Variants in RMDN3 observed in about 807,000 individuals in gnomAD.
RMDN3 encodes regulator of microtubule dynamics protein 3.
A neutral mutation model predicts 61.8 loss-of-function variants in RMDN3; 41 were observed. The ratio of observed to expected loss-of-function variants is 0.66; its 90% CI spans 0.52 to 0.86. The LOEUF (loss-of-function observed/expected upper bound fraction) is 0.86, where lower values mean the gene tolerates loss of function less well. Among genes scored for constraint, RMDN3 ranks in the 40% least tolerant of loss-of-function variants. The probability of loss-of-function intolerance (pLI) is 0.00; values close to 1 mark genes in which losing one functional copy is unlikely to be tolerated. For missense variants in RMDN3, 557 were observed against 585.3 expected, an observed-to-expected ratio of 0.95 and a Z score of 0.50; for synonymous variants, 247 against 232.0, an observed-to-expected ratio of 1.06 and a Z score of -0.59.
chr15:40,740,828 G>A (rs948247742), intron 6 of RMDN3, among the ~76,000 whole-genome samples: 1 of 152,216 alleles, frequency 6.6e-6, no homozygotes, highest in African/African-American at 2.4e-5. Flanking sequence ...GCTTATGCCT[G>A]TAATCCTAGC....
In RMDN3 at chr15:40,738,129, G is replaced by A. The variant is rs1897136572; in HGVS notation, c.1048-87C>T. The A allele has an allele frequency of 1.8e-5, 24 of 1,359,338 alleles. No homozygotes were observed. The South Asian group carries it at 1.9e-4, about 11-fold the overall frequency. 84.2% of individuals were successfully genotyped at this position (1,359,338 alleles called of 1,614,324 possible). A position where few individuals can be genotyped will look rare whatever the true frequency, so the allele number is the denominator to read the frequency against. On this transcript the variant is annotated intron_variant, in intron 8 of 12. Transcript: ENST00000338376. ...GGGCCGGATGCAGTGGCTCATGCCT[G>A]TAATCCCTGCACTTTGGGAAGCTGA... is the stretch of plus-strand genomic sequence containing the variant.
intron 5 of RMDN3, 90 bp from the exon 6 acceptor site, chr15:40,744,239 T>A (rs908424974): frequency 8.2e-7 from 1 of 1,219,002 alleles, no homozygotes; most frequent in Non-Finnish European, 1.2e-6. Flanking sequence ...TAGGTTTGAA[T>A]TTCCAAGCTA....
chr15:40,753,556 A>C (rs964415911), intron 2 of RMDN3, among the ~76,000 whole-genome samples: 7 of 152,150 alleles, frequency 4.6e-5, no homozygotes, highest in African/African-American at 1.7e-4. Flanking sequence ...AAGAAAAAAA[A>C]CACTCCTCTT....
chr15:40,738,780 G>A (rs528256430), intron 7 of RMDN3: 5 of 592,966 alleles, frequency 8.4e-6, no homozygotes, highest in Non-Finnish European at 1.5e-5. Flanking sequence ...ATAATGGTAG[G>A]CTTACAAGTC....
In RMDN3 at chr15:40,737,679, A is replaced by C; in HGVS notation, c.1173T>G (p.Leu391=). The C allele has an allele frequency of 6.2e-7, 1 of 1,614,162 alleles. No individual in the cohort carries two copies. The highest frequency in any genetic ancestry group is 8.5e-7 in the Non-Finnish European group (1 of 1,180,026). The change falls in exon 10 of 13, where the codon CTT becomes CTG. Residue 391 remains leucine, a synonymous_variant. Coordinates refer to ENST00000338376, the MANE Select transcript of RMDN3 (RefSeq NM_018145.3). ...WLEKKTATAL[L]ESPLSATVED... ...CCACAGTGGCACTGAGAGGGCTTTC[A>C]AGCAAGGCTGTAGCAGTTTTTTTTT... is the stretch of plus-strand genomic sequence containing the variant.
At position 40,738,068 on chromosome 15, in the gene RMDN3, T is replaced by TAACA. The variant is rs765296676; in HGVS notation, c.1048-30_1048-27dup. On this transcript the variant is annotated intron_variant, in intron 8 of 12. Transcript: ENST00000338376. ...CTAAGGGGAAAATGTAAATATAAAC[T>TAACA]AACATCAGACACCAGAGTTGCTAAA... 5 of 1,610,500 alleles carry TAACA rather than the reference T, an allele frequency of 3.1e-6. No homozygotes were observed. In the South Asian group the frequency reaches 4.4e-5, roughly 14 times the overall value.
intron 6 of RMDN3, among the ~76,000 whole-genome samples, chr15:40,741,913 C>G (rs1897300992): frequency 1.3e-5 from 2 of 151,950 alleles, no homozygotes; most frequent in African/African-American, 2.4e-5. Flanking sequence ...AGGTGCGAAC[C>G]ACCGTGCCCA....
In RMDN3 at chr15:40,754,701, C is replaced by A; in HGVS notation, c.83G>T (p.Cys28Phe). The change falls in exon 2 of 13, where the codon TGC (cysteine) becomes TTC (phenylalanine). Residue 28 changes from cysteine (C) to phenylalanine (F), a missense_variant. By Grantham distance (205) the Cys-to-Phe change is radical (BLOSUM62 -2). Coordinates refer to ENST00000338376, the MANE Select transcript of RMDN3 (RefSeq NM_018145.3). ...TTTCCATCGCTGGCTGTAAAGGAGG[C>A]ACAGGAATCCAAGGCCGGCGGCGGT... ...LGTAAGLGFL[C>F]LLYSQRWKRT... 6.2e-7 allele frequency: 1 copy of A among 1,614,036 alleles called. No individual in the cohort carries two copies. Among genetic ancestry groups the A allele is most frequent in the Non-Finnish European group, 8.5e-7 (1 of 1,179,980 alleles).
At chr15:40,738,332 A>G (rs1452292946) in intron 8 of RMDN3, among the ~76,000 whole-genome samples, 169 bp downstream of exon 8, 2 of 152,144 alleles carry the variant, frequency 1.3e-5, no homozygotes, top group East Asian at 3.9e-4. Flanking sequence ...CAGTGAGCCA[A>G]GATCACACCA....
Position 40,744,988 on chromosome 15 carries a change from T to C in RMDN3, c.796A>G (p.Asn266Asp), listed in dbSNP as rs1247675788. 1 of 1,602,818 alleles carries C rather than the reference T, an allele frequency of 6.2e-7. No individual in the cohort carries two copies. Among genetic ancestry groups the C allele is most frequent in the Non-Finnish European group, 8.5e-7 (1 of 1,172,712 alleles). The change falls in exon 5 of 13, where the codon AAC (asparagine) becomes GAC (aspartate). Residue 266 changes from asparagine to aspartate, a missense_variant. Transcript: ENST00000338376. ...KREGFQLLLN[N>D]KLVYGSRQDF... ...AGCTGGAGCCTCACCACCAGCTTGT[T>C]GTTGAGCAGCAGCTGGAAGCCCTCC...
chr15:40,745,832 A>T (rs1897518185), intron 4 of RMDN3, among the ~76,000 whole-genome samples: 1 of 152,160 alleles, frequency 6.6e-6, no homozygotes, highest in Admixed American at 6.5e-5. Flanking sequence ...CACAACCAAC[A>T]TGGGTGGGTG....
intron 1 of RMDN3, 97 bp downstream of exon 1, chr15:40,754,986 A>G (rs1897985636): frequency 1.1e-5 from 6 of 552,534 alleles, no homozygotes; most frequent in Non-Finnish European, 1.9e-5. Context: ...CCTGGGCCCC[A>G]CTGCCTCTCT....
chr15:40,743,294 G>A (rs988122006), intron 6 of RMDN3, among the ~76,000 whole-genome samples: 2 of 152,080 alleles, frequency 1.3e-5, no homozygotes, highest in Admixed American at 1.3e-4. Context: ...GATGGCATGT[G>A]CTTGTAATCC....
intron 5 of RMDN3, 197 bp from the exon 6 acceptor site, chr15:40,744,346 T>G (rs1009212441): frequency 5.3e-6 from 3 of 564,982 alleles, no homozygotes; most frequent in Non-Finnish European, 9.6e-6. Flanking sequence ...ACATTCTCTG[T>G]CTAGCCAGTA....
Position 40,745,239 on chromosome 15 carries a change from T to C in RMDN3, c.545A>G (p.Glu182Gly). 1 of 1,613,776 alleles carries C rather than the reference T, an allele frequency of 6.2e-7. No individual in the cohort carries two copies. Among genetic ancestry groups the C allele is most frequent in the Non-Finnish European group, 8.5e-7 (1 of 1,179,968 alleles). ...SEGGYTTANA[E>G]SDNERDSDKE... ...GTCAGAGTCCCGCTCATTGTCAGAC[T>C]CCGCATTGGCTGTTGTGTAACTGGC... The change falls in exon 5 of 13, where the codon GAG becomes GGG. Residue 182 changes from glutamate (E) to glycine (G), a missense_variant. By Grantham distance (98) the Glu-to-Gly change is moderately conservative. Coordinates refer to ENST00000338376, the MANE Select transcript of RMDN3 (RefSeq NM_018145.3).
rs1334625597 is a variant in RMDN3, at chr15:40,738,459, G to A, written c.1047+42C>T. On this transcript the variant is annotated intron_variant, in intron 8 of 12. Coordinates refer to ENST00000338376, the MANE Select transcript of RMDN3 (RefSeq NM_018145.3). The stretch of plus-strand genomic sequence containing the variant: ...GGAGCTGGAAAGGAGTGGGGAATCT[G>A]GGATAGGCCAGCACAAGGAAGGAGG... The A allele has an allele frequency of 2.5e-6, 4 of 1,598,958 alleles. No individual in the cohort carries two copies. The East Asian group carries it at 8.9e-5, about 36-fold the overall frequency.
intron 6 of RMDN3, among the ~76,000 whole-genome samples, chr15:40,743,639 G>A (rs1897369666): frequency 6.6e-6 from 1 of 152,072 alleles, no homozygotes; most frequent in African/African-American, 2.4e-5. Flanking sequence ...CTTGCCAAGT[G>A]GATTCCAGAG....
intron 3 of RMDN3, 106 bp downstream of exon 3, chr15:40,751,880 A>G: frequency 1.6e-6 from 2 of 1,237,342 alleles, no homozygotes. Context: ...GCTAGAAGCT[A>G]TAGAACTGGT....
chr15:40,736,355 G>T lies in RMDN3; in HGVS notation c.*186C>A. On this transcript the variant is annotated 3_prime_UTR_variant, in exon 13 of 13. Coordinates refer to ENST00000338376, the MANE Select transcript of RMDN3 (RefSeq NM_018145.3). ...AACAGAAACGGAAGCCATGAGTACT[G>T]CCCCAATTCTAGATTAGGTTAGAGG... 1.7e-6 allele frequency: 1 copy of T among 583,602 alleles called. No homozygotes were observed. The highest frequency in any genetic ancestry group is 3.1e-6 in the Non-Finnish European group (1 of 327,802). 36.2% of individuals were successfully genotyped at this position (583,602 alleles called of 1,614,324 possible). A position where few individuals can be genotyped will look rare whatever the true frequency, so the allele number is the denominator to read the frequency against.
Sources: allele counts gnomAD v4.1 joint callset (sites outside exome capture counted in the v4.1 genomes callset), GRCh38; gene constraint gnomAD v4.1.1; transcripts MANE v1.5; gene names NCBI Gene and HGNC (gene_info 2026-07-23, HGNC 2026-07-21).